Variants in CADPS2 observed in about 807,000 individuals in gnomAD.
CADPS2 encodes calcium-dependent secretion activator 2.
Under a neutral mutation model 172.5 loss-of-function variants are expected in CADPS2, and 93 were observed. That is an observed-to-expected ratio of 0.54 (90% CI 0.46 to 0.64). The LOEUF is 0.64. Ranked by LOEUF, CADPS2 falls within the 30% of genes least tolerant of loss-of-function variation. CADPS2 has a pLI of 0.00. For synonymous variants in CADPS2, 546 were observed against 555.2 expected (o/e 0.98, Z 0.23); for missense variants, 1,420 against 1,565.9 (o/e 0.91, Z 1.57).
At chr7:122,418,804 G>A (rs1212370202) in intron 17 of CADPS2, among the ~76,000 whole-genome samples, 1 of 152,080 alleles carries the variant, frequency 6.6e-6, no homozygotes, top group Non-Finnish European at 1.5e-5. Flanking sequence ...GGTCTTCAAT[G>A]GACCATCCCA....
chr7:122,883,955 G>A (rs1399989267), intron 1 of CADPS2, among the ~76,000 whole-genome samples: 2 of 152,050 alleles, frequency 1.3e-5, no homozygotes, highest in African/African-American at 4.8e-5. Flanking sequence ...GCACCTGCTT[G>A]CCAATTCAAA....
intron 28 of CADPS2, among the ~76,000 whole-genome samples, chr7:122,327,013 A>T (rs2034002652): frequency 2.0e-5 from 3 of 152,066 alleles, no homozygotes; most frequent in Admixed American, 2.0e-4. Context: ...ATGATTTTTT[A>T]AAAATATGTT....
chr7:122,644,479 T>G (rs946544786), intron 3 of CADPS2, among the ~76,000 whole-genome samples: 4 of 152,180 alleles, frequency 2.6e-5, no homozygotes, highest in African/African-American at 9.7e-5. Flanking sequence ...TTCAGGTATT[T>G]ATGAGCTTTA....
intron 15 of CADPS2, among the ~76,000 whole-genome samples, chr7:122,442,444 T>C (rs912639369): frequency 1.3e-5 from 2 of 152,184 alleles, no homozygotes; most frequent in South Asian, 4.1e-4. Flanking sequence ...GTACTTAGGA[T>C]GGCACCTTGC....
rs772960793 is a variant in CADPS2, at chr7:122,320,263, T to C, written c.3793A>G (p.Arg1265Gly). The C allele has an allele frequency of 6.2e-7, 1 of 1,613,540 alleles. No individual in the cohort carries two copies. The highest frequency in any genetic ancestry group is 2.2e-5 in the East Asian group (1 of 44,874). ...GTGGCCTCCTCTACTGTTAAACGTC[T>C]GTGCACAGTATCATAAGTCTTACTG... Reference protein sequence around the residue: ...LNSKTYDTVHRRLTVEEATAS... With the variant: ...LNSKTYDTVHGRLTVEEATAS... The change falls in exon 30 of 30, where the codon AGA becomes GGA. Residue 1265 changes from arginine (R) to glycine (G), a missense_variant. Coordinates refer to ENST00000449022, the MANE Select transcript of CADPS2 (RefSeq NM_017954.11).
intron 5 of CADPS2, among the ~76,000 whole-genome samples, chr7:122,618,281 CAGTA>C (rs929612125): frequency 2.6e-5 from 4 of 152,046 alleles, no homozygotes; most frequent in African/African-American, 9.7e-5. Context: ...ATCCTTAATC[CAGTA>C]AGTATTTATT....
intron 8 of CADPS2, among the ~76,000 whole-genome samples, chr7:122,551,129 TA>T (rs1218747989): frequency 2.6e-5 from 4 of 152,022 alleles, no homozygotes; most frequent in African/African-American, 7.2e-5. Context: ...CCTTCTGGTT[TA>T]AAAAAATAGT....
chr7:122,432,132 C>T (rs1031168772), intron 17 of CADPS2, among the ~76,000 whole-genome samples: 2 of 151,888 alleles, frequency 1.3e-5, no homozygotes, highest in African/African-American at 4.8e-5. Context: ...TACTTTGAAT[C>T]AGTCTTGGAG....
Position 122,731,141 on chromosome 7 carries a change from TCTCA to T in CADPS2, c.453+5810_453+5813del, listed in dbSNP as rs2091600640. On this transcript the variant is annotated intron_variant, in intron 2 of 29. Transcript: ENST00000449022. Reference sequence around the variant, plus strand: ...ACTTTTAAAAGATTAAATACCTCTCTCTCATTTATTCTTTGGAACCAAAGTAGAA... The same window carrying T: ...ACTTTTAAAAGATTAAATACCTCTCTTTTATTCTTTGGAACCAAAGTAGAA... Among the ~76,000 whole-genome samples, 4 of 151,718 alleles carry T rather than the reference TCTCA, an allele frequency of 2.6e-5. No individual in the cohort carries two copies. In the South Asian group the frequency reaches 8.3e-4, roughly 32 times the overall value.
intron 3 of CADPS2, among the ~76,000 whole-genome samples, chr7:122,645,452 T>C (rs1476966007): frequency 1.0e-4 from 9 of 88,168 alleles, no homozygotes; most frequent in Admixed American, 3.6e-4. Flanking sequence ...TACACACACA[T>C]ATGTATATAT....
chr7:122,702,797 A>G, intron 2 of CADPS2: 3 of 1,353,408 alleles, frequency 2.2e-6, no homozygotes, highest in Non-Finnish European at 3.0e-6. Context: ...ACAAAACAAC[A>G]TCAGTTGTAG....
At chr7:122,884,093 T>C (rs1823660435) in intron 1 of CADPS2, among the ~76,000 whole-genome samples, 2 of 152,146 alleles carry the variant, frequency 1.3e-5, no homozygotes, top group Admixed American at 1.3e-4. Flanking sequence ...CATAGTAAAT[T>C]TGCAAAAGCA....
rs150128519 is a variant in CADPS2, at chr7:122,438,296, T to C, written c.2476+45A>G. The C allele has an allele frequency of 5.7e-5, 91 of 1,609,540 alleles. No individual in the cohort carries two copies. The African/African-American group carries it at 8.3e-4, about 15-fold the overall frequency. ...TCATAGAAAATTCAGTTACTAGGCA[T>C]TGTTGGCTCTCACTGCCACTTCGAC... On this transcript the variant is annotated intron_variant, in intron 17 of 29. Coordinates refer to ENST00000449022, the MANE Select transcript of CADPS2 (RefSeq NM_017954.11).
chr7:122,449,680 T>C (rs1427684820), intron 15 of CADPS2, among the ~76,000 whole-genome samples: 1 of 152,170 alleles, frequency 6.6e-6, no homozygotes, highest in Non-Finnish European at 1.5e-5. Context: ...ATTTTTTATG[T>C]CTTCATTTTG....
At chr7:122,590,315 C>A (rs1324864063) in intron 6 of CADPS2, among the ~76,000 whole-genome samples, 2 of 151,772 alleles carry the variant, frequency 1.3e-5, no homozygotes, top group African/African-American at 4.8e-5. Context: ...CAGAAACCAA[C>A]CCTCACACAT....
At chr7:122,418,934 T>C (rs1324762292) in intron 17 of CADPS2, among the ~76,000 whole-genome samples, 2 of 152,220 alleles carry the variant, frequency 1.3e-5, no homozygotes, top group African/African-American at 4.8e-5. Flanking sequence ...GCTATCTGAA[T>C]CTTTGCCTGA....
chr7:122,456,225 A>C (rs2053756595), intron 14 of CADPS2, among the ~76,000 whole-genome samples: 1 of 152,064 alleles, frequency 6.6e-6, no homozygotes, highest in Non-Finnish European at 1.5e-5. Flanking sequence ...ATAAATAAAC[A>C]TAATAATCCT....
At chr7:122,570,136 G>A (rs2067028011) in intron 7 of CADPS2, among the ~76,000 whole-genome samples, 1 of 148,332 alleles carries the variant, frequency 6.7e-6, no homozygotes, top group Non-Finnish European at 1.5e-5. Flanking sequence ...CTACTCATCT[G>A]ACGAAGGGCT....
intron 24 of CADPS2, among the ~76,000 whole-genome samples, chr7:122,383,350 G>A (rs2043241056): frequency 6.6e-6 from 1 of 151,906 alleles, no homozygotes; most frequent in Non-Finnish European, 1.5e-5. Context: ...GGGAGGGAGG[G>A]AGATGTGGAT....
Sources: allele counts gnomAD v4.1 joint callset (sites outside exome capture counted in the v4.1 genomes callset), GRCh38; gene constraint gnomAD v4.1.1; transcripts MANE v1.5; gene names NCBI Gene and HGNC (gene_info 2026-07-23, HGNC 2026-07-21).